SIX4: variants seen among roughly 807,000 people sequenced by gnomAD.
The protein encoded by SIX4 is SIX homeobox 4.
Under a neutral mutation model 51.5 loss-of-function variants are expected in SIX4, and 23 were observed. That is an observed-to-expected ratio of 0.45 (90% confidence interval 0.32 to 0.63). The LOEUF is 0.63. Among genes scored for constraint, SIX4 ranks in the 30% least tolerant of loss-of-function variants. The pLI, the probability that SIX4 is intolerant of heterozygous loss-of-function variation, is 0.04. For missense variants in SIX4, 867 were observed against 984.0 expected (o/e 0.88, Z 1.59); for synonymous variants, 413 against 417.3 (o/e 0.99, Z 0.13).
chr14:60,714,227 A>T (rs898399443), intron 2 of SIX4, 24 bp from the exon 3 acceptor site: 1 of 1,533,276 alleles, frequency 6.5e-7, no homozygotes, highest in Non-Finnish European at 8.7e-7. Flanking sequence ...AGTACTGATT[A>T]TCACTGATGG....
Position 60,720,155 on chromosome 14 carries a change from T to C in SIX4, c.1154A>G (p.Asn385Ser). Reference protein sequence around the residue: ...GVILNGLNVGNTQAVALNPPK... With the variant: ...GVILNGLNVGSTQAVALNPPK... ...TGGGTTCAATGCCACTGCCTGTGTA[T>C]TTCCCACATTTAATCCATTAAGGAT... The change falls in exon 2 of 3, where the codon AAT (asparagine) becomes AGT (serine). Residue 385 changes from asparagine to serine, a missense_variant. Physicochemically the swap from Asn to Ser is conservative, Grantham distance 46 (BLOSUM62 1). Transcript: ENST00000216513. This position sits in a 1 kb window ranked among gnomAD's most constrained non-coding sequence, Gnocchi z 5.5. 6.2e-7 allele frequency: 1 copy of C among 1,614,230 alleles called. No individual in the cohort carries two copies. The highest frequency in any genetic ancestry group is 8.5e-7 in the Non-Finnish European group (1 of 1,180,038).
Position 60,713,775 on chromosome 14 carries a change from T to TA in SIX4, c.1977dup (p.Asn660Ter). ...GAGCAGTTCTGAAGAGTTGCATAGT[T>TA]AGTGTTGCTGACAGATGTCACAGTA... is the stretch of plus-strand genomic sequence containing the variant. On this transcript the variant is annotated frameshift_variant, in exon 3 of 3. Coordinates refer to ENST00000216513, the MANE Select transcript of SIX4 (RefSeq NM_017420.5). LOFTEE classifies it high-confidence loss of function. 1 of 1,614,172 alleles carries TA rather than the reference T, an allele frequency of 6.2e-7. No individual in the cohort carries two copies. Among genetic ancestry groups the TA allele is most frequent in the Non-Finnish European group, 8.5e-7 (1 of 1,180,038 alleles).
In SIX4 at chr14:60,723,166, G is replaced by C. The variant is rs761694842; in HGVS notation, c.863+46C>G. 14 of 1,518,598 alleles carry C rather than the reference G, an allele frequency of 9.2e-6. No individual in the cohort carries two copies. The East Asian group carries it at 9.3e-5, about 10-fold the overall frequency. 94.1% of individuals were successfully genotyped at this position (1,518,598 alleles called of 1,614,324 possible). On this transcript the variant is annotated intron_variant, in intron 1 of 2. Coordinates refer to ENST00000216513, the MANE Select transcript of SIX4 (RefSeq NM_017420.5). Reference sequence around the variant, plus strand: ...CTTGGAGGAAAAGAAAGCCGGGAAGGGGGTGGGGGAGAGGAAGGGGGAGGA... The same window carrying C: ...CTTGGAGGAAAAGAAAGCCGGGAAGCGGGTGGGGGAGAGGAAGGGGGAGGA...
Position 60,720,113 on chromosome 14 carries a change from T to A in SIX4, c.1196A>T (p.Asn399Ile), listed in dbSNP as rs372742460. The A allele has an allele frequency of 5.6e-6, 9 of 1,614,214 alleles. No homozygotes were observed. The highest frequency in any genetic ancestry group is 7.6e-6 in the Non-Finnish European group (9 of 1,180,038). ...CATGGATATACCATTGCTCACAATG[T>A]TTGATGACATTTTTGGTGGGTTCAA... ...VALNPPKMSSNIVSNGISMTD... is the reference protein window; with the variant it reads ...VALNPPKMSSIIVSNGISMTD... The change falls in exon 2 of 3, where the codon AAC becomes ATC. Residue 399 changes from asparagine (N) to isoleucine (I), a missense_variant. Transcript: ENST00000216513. This position sits in a 1 kb window ranked among gnomAD's most constrained non-coding sequence, Gnocchi z 5.5.
Position 60,723,256 on chromosome 14 carries a change from G to A in SIX4, c.819C>T (p.Asn273=). 6.2e-7 allele frequency: 1 copy of A among 1,612,392 alleles called. No homozygotes were observed. Among genetic ancestry groups the A allele is most frequent in the Non-Finnish European group, 8.5e-7 (1 of 1,179,226 alleles). The stretch of plus-strand genomic sequence containing the variant: ...AGGGGTTCCTGTCGCGCTGCCGGCG[G>A]TTCTTGAACCAGTTGCTGACCTGGG... ...SLTQVSNWFK[N]RRQRDRNPSE... The change falls in exon 1 of 3, where the codon AAC becomes AAT. Residue 273 remains asparagine, a synonymous_variant. Transcript: ENST00000216513.
In SIX4 at chr14:60,710,019, T is replaced by C. The variant is rs983622880; in HGVS notation, c.*3388A>G. The C allele has an allele frequency of 1.3e-5, 2 of 152,678 alleles. No individual in the cohort carries two copies. The highest frequency in any genetic ancestry group is 2.9e-5 in the Non-Finnish European group (2 of 68,052). 9.5% of individuals were successfully genotyped at this position (152,678 alleles called of 1,614,324 possible). On this transcript the variant is annotated 3_prime_UTR_variant, in exon 3 of 3. Coordinates refer to ENST00000216513, the MANE Select transcript of SIX4 (RefSeq NM_017420.5). Reference sequence around the variant, plus strand: ...TAAGTTTTACAAAGAGTTTAAAATATCTTTTGTGAAATGTAACTATTTCCC... The same window carrying C: ...TAAGTTTTACAAAGAGTTTAAAATACCTTTTGTGAAATGTAACTATTTCCC...
chr14:60,723,931 T>A lies in SIX4; in HGVS notation c.144A>T (p.Pro48=). Residue 48 remains proline, a synonymous_variant, in exon 1 of 3, where the codon CCA becomes CCT. Coordinates refer to ENST00000216513, the MANE Select transcript of SIX4 (RefSeq NM_017420.5). ...GAAVGLSPPA[P]APFPLEPGDA... ...CCCCCGGCTCCAGGGGAAAAGGGGC[T>A]GGAGCCGGGGGGCTCAGCCCTACCG... The A allele has an allele frequency of 6.6e-7, 1 of 1,512,240 alleles. No homozygotes were observed. The highest frequency in any genetic ancestry group is 8.8e-7 in the Non-Finnish European group (1 of 1,141,082). The allele number at this position is 1,512,240 out of a possible 1,614,324, so 93.7% of individuals were successfully genotyped here. A position where few individuals can be genotyped will look rare whatever the true frequency, so the allele number is the denominator to read the frequency against.
Position 60,719,599 on chromosome 14 carries a change from A to T in SIX4, c.1549+161T>A, listed in dbSNP as rs1895983422. Among the ~76,000 whole-genome samples, 1 of 152,230 alleles carries T rather than the reference A, an allele frequency of 6.6e-6. No homozygotes were observed. Among genetic ancestry groups the T allele is most frequent in the African/African-American group, 2.4e-5 (1 of 41,466 alleles). ...AAAGCAACCTGGATATGACATGGGT[A>T]TTGTGAAAGAGGAGAATCACATCAA... On this transcript the variant is annotated intron_variant, in intron 2 of 2. Coordinates refer to ENST00000216513, the MANE Select transcript of SIX4 (RefSeq NM_017420.5). The surrounding 1 kb of genome is among the most constrained non-coding windows in gnomAD (Gnocchi z 4.9).
Position 60,720,871 on chromosome 14 carries a change from C to T in SIX4, c.864-426G>A. 1.3e-6 allele frequency: 1 copy of T among 797,298 alleles called. No homozygotes were observed. Among genetic ancestry groups the T allele is most frequent in the Non-Finnish European group, 1.5e-6 (1 of 654,676 alleles). 49.4% of individuals were successfully genotyped at this position (797,298 alleles called of 1,614,324 possible). ...TCCTTCCCCTCCCCTCAAACCAATT[C>T]AGATTAGTGTTATCTTGGAGGTAAA... On this transcript the variant is annotated intron_variant, in intron 1 of 2. Coordinates refer to ENST00000216513, the MANE Select transcript of SIX4 (RefSeq NM_017420.5). The surrounding 1 kb of genome is among the most constrained non-coding windows in gnomAD (Gnocchi z 5.5).
chr14:60,720,065 G>A lies in SIX4; in HGVS notation c.1244C>T (p.Ser415Phe), dbSNP rs1279634297. 1 of 1,614,100 alleles carries A rather than the reference G, an allele frequency of 6.2e-7. No individual in the cohort carries two copies. The highest frequency in any genetic ancestry group is 2.2e-5 in the East Asian group (1 of 44,902). ...ISMTDILGST[S>F]QDVKEFKVLQ... ...GACTTTGAATTCCTTCACGTCCTGGGAAGTAGACCCCAGTATGTCAGTCAT... is the reference window on the plus strand; with the variant it reads ...GACTTTGAATTCCTTCACGTCCTGGAAAGTAGACCCCAGTATGTCAGTCAT... Residue 415 changes from serine to phenylalanine, a missense_variant, in exon 2 of 3, where the codon TCC becomes TTC. Coordinates refer to ENST00000216513, the MANE Select transcript of SIX4 (RefSeq NM_017420.5). This position sits in a 1 kb window ranked among gnomAD's most constrained non-coding sequence, Gnocchi z 5.5.
At chr14:60,721,920 G>A (rs1268448466) in intron 1 of SIX4, among the ~76,000 whole-genome samples, 4 of 152,230 alleles carry the variant, frequency 2.6e-5, no homozygotes, top group Non-Finnish European at 4.4e-5. Context: ...TTTGGTTACC[G>A]CGAGGGCCGG....
Position 60,720,409 on chromosome 14 carries a change from G to A in SIX4, c.900C>T (p.Ser300=), listed in dbSNP as rs1487686452. ...SDGNPSTEDE[S]SKGHEDLSPH... ...GAGATAAATCCTCATGTCCCTTGCT[G>A]GATTCATCTTCAGTGCTGGGGTTGC... The change falls in exon 2 of 3, where the codon TCC becomes TCT. Residue 300 remains serine (S), a synonymous_variant. Coordinates refer to ENST00000216513, the MANE Select transcript of SIX4 (RefSeq NM_017420.5). The surrounding 1 kb of genome is among the most constrained non-coding windows in gnomAD (Gnocchi z 5.5). 4 of 1,613,850 alleles carry A rather than the reference G, an allele frequency of 2.5e-6. No individual in the cohort carries two copies. The African/African-American group carries it at 5.3e-5, about 22-fold the overall frequency.
rs1274247500 is a variant in SIX4 at position 60,720,444 on chromosome 14, C to G, written c.865G>C (p.Glu289Gln). 1 of 1,611,162 alleles carries G rather than the reference C, an allele frequency of 6.2e-7. No homozygotes were observed. Among genetic ancestry groups the G allele is most frequent in the Non-Finnish European group, 8.5e-7 (1 of 1,178,602 alleles). Residue 289 changes from glutamate (E) to glutamine (Q), a missense_variant and splice_region_variant, in exon 2 of 3, where the codon GAG (glutamate) becomes CAG (glutamine). Glu to Gln is a conservative substitution (Grantham distance 29). Coordinates refer to ENST00000216513, the MANE Select transcript of SIX4 (RefSeq NM_017420.5). The surrounding 1 kb of genome is among the most constrained non-coding windows in gnomAD (Gnocchi z 5.5). ...TCAGTGCTGGGGTTGCCATCTGACTCACTGTATGGAGGGGGAAATCAAAAT... is the reference window on the plus strand; with the variant it reads ...TCAGTGCTGGGGTTGCCATCTGACTGACTGTATGGAGGGGGAAATCAAAAT... The part of the protein sequence containing the change: ...RNPSETQSKS[E>Q]SDGNPSTEDE...
At chr14:60,716,117 C>T (rs1298459689) in intron 2 of SIX4, among the ~76,000 whole-genome samples, 2 of 151,822 alleles carry the variant, frequency 1.3e-5, no homozygotes, top group African/African-American at 4.8e-5. Flanking sequence ...CTGCCAGCCT[C>T]GGTCTCCCAA....
Position 60,720,676 on chromosome 14 carries a change from A to G in SIX4, c.864-231T>C, listed in dbSNP as rs1175824994. Among the ~76,000 whole-genome samples the G allele has an allele frequency of 6.6e-6, 1 of 152,226 alleles. No homozygotes were observed. Among genetic ancestry groups the G allele is most frequent in the South Asian group, 2.1e-4 (1 of 4,828 alleles). On this transcript the variant is annotated intron_variant, in intron 1 of 2. Coordinates refer to ENST00000216513, the MANE Select transcript of SIX4 (RefSeq NM_017420.5). The surrounding 1 kb of genome is among the most constrained non-coding windows in gnomAD (Gnocchi z 5.5). ...ATCCCAATCATTTAAAATAACAATA[A>G]ATTCAGGGAAAGTCCAGACATCTGC...
chr14:60,723,280 G>A lies in SIX4; in HGVS notation c.795C>T (p.Thr265=), dbSNP rs1896065561. ...HLAKITGLSL[T]QVSNWFKNRR... is the part of the protein sequence containing the mutation. Reference sequence around the variant, plus strand: ...GGTTCTTGAACCAGTTGCTGACCTGGGTGAGGGAGAGGCCGGTGATCTTGG... The same window carrying A: ...GGTTCTTGAACCAGTTGCTGACCTGAGTGAGGGAGAGGCCGGTGATCTTGG... The change falls in exon 1 of 3, where the codon ACC becomes ACT. Residue 265 remains threonine, a synonymous_variant. Transcript: ENST00000216513. 6.2e-7 allele frequency: 1 copy of A among 1,613,458 alleles called. No homozygotes were observed. The highest frequency in any genetic ancestry group is 1.1e-5 in the South Asian group (1 of 91,064).
rs914220731 is a variant in SIX4, at chr14:60,710,757, C to T, written c.*2650G>A. On this transcript the variant is annotated 3_prime_UTR_variant, in exon 3 of 3. Transcript: ENST00000216513. Reference sequence around the variant, plus strand: ...ATACATGGGCTGCATACCAACTGGCCCTTATTCAACTGAAAGAATAGAAAA... The same window carrying T: ...ATACATGGGCTGCATACCAACTGGCTCTTATTCAACTGAAAGAATAGAAAA... 6.6e-5 allele frequency: 10 copies of T among 152,416 alleles called. No individual in the cohort carries two copies. The highest frequency in any genetic ancestry group is 1.7e-4 in the African/African-American group (7 of 41,358). The allele number at this position is 152,416 out of a possible 1,614,324, so 9.4% of individuals were successfully genotyped here.
intron 1 of SIX4, 50 bp downstream of exon 1, chr14:60,723,162 G>A: frequency 6.7e-7 from 1 of 1,501,114 alleles, no homozygotes; most frequent in Non-Finnish European, 8.9e-7. Flanking sequence ...AGAAAGCCGG[G>A]AAGGGGGTGG....
At position 60,710,243 on chromosome 14, in the gene SIX4, AC is replaced by A. The variant is rs1435759732; in HGVS notation, c.*3163del. 6.6e-6 allele frequency: 1 copy of A among 152,598 alleles called. No individual in the cohort carries two copies. Among genetic ancestry groups the A allele is most frequent in the Non-Finnish European group, 1.5e-5 (1 of 68,036 alleles). 9.5% of individuals were successfully genotyped at this position (152,598 alleles called of 1,614,324 possible). On this transcript the variant is annotated 3_prime_UTR_variant, in exon 3 of 3. Coordinates refer to ENST00000216513, the MANE Select transcript of SIX4 (RefSeq NM_017420.5). Reference sequence around the variant, plus strand: ...AGATTTAAGGTCAGTGTGCAATTTAACTATGGATTTTTACCTATGGCTATAA... The same window carrying A: ...AGATTTAAGGTCAGTGTGCAATTTAATATGGATTTTTACCTATGGCTATAA...
Sources: allele counts gnomAD v4.1 joint callset (sites outside exome capture counted in the v4.1 genomes callset), GRCh38; gene constraint gnomAD v4.1.1; non-coding constraint Gnocchi (gnomAD v3.1); transcripts MANE v1.5; gene names NCBI Gene and HGNC (gene_info 2026-07-23, HGNC 2026-07-21).